The following SKP2 variants were observed in gnomAD, a reference collection of about 807,000 sequenced individuals.
SKP2 encodes S-phase kinase-associated protein 2.
In SKP2, 16 loss-of-function variants were observed where a neutral mutation model predicts 51.8. The ratio of observed to expected loss-of-function variants is 0.31; its 90% CI spans 0.21 to 0.47. The LOEUF is 0.47. SKP2 is among the 20% of genes least tolerant of loss of function. The probability of loss-of-function intolerance (pLI) is 1.00; values close to 1 mark genes in which losing one functional copy is unlikely to be tolerated. For missense variants in SKP2, 377 were observed against 505.3 expected, an observed-to-expected ratio of 0.75 and a Z score of 2.43; for synonymous variants, 176 against 198.6, an observed-to-expected ratio of 0.89 and a Z score of 0.96.
At chr5:36,188,381 C>G (rs1198390742), downstream of SKP2, among the ~76,000 whole-genome samples, 2 of 152,316 alleles carry the variant, frequency 1.3e-5, no homozygotes, top group East Asian at 1.9e-4. Context: ...TTGTTCCTTT[C>G]CATGTTTAGT....
In SKP2 at chr5:36,156,369, G is replaced by T. The variant is rs147100333; in HGVS notation, c.280+3327G>T. 9.7e-4 allele frequency among the ~76,000 whole-genome samples: 148 copies of T among 152,328 alleles called. 2 individuals are homozygous for T. Among genetic ancestry groups the T allele is most frequent in the African/African-American group, 3.4e-3 (140 of 41,568 alleles). On this transcript the variant is annotated intron_variant, in intron 2 of 9. Transcript: ENST00000274255. ...TAGGGTAGAACAGGCCACACCTGCT[G>T]TACATAGATATCTGATGACTGGTTC...
chr5:36,183,810 C>A lies in SKP2; in HGVS notation c.*1779C>A. 2 of 1,559,874 alleles carry A rather than the reference C, an allele frequency of 1.3e-6. No homozygotes were observed. Among genetic ancestry groups the A allele is most frequent in the East Asian group, 4.6e-5 (2 of 43,584 alleles). ...TCAATTTCTTAATAGTTAAAAAGTG[C>A]TAAATACTACTTGAAATTATTGTTT... On this transcript the variant is annotated 3_prime_UTR_variant, in exon 10 of 10. Transcript: ENST00000274255.
chr5:36,190,048 C>T (rs564255438), intron 6 of SKP2, among the ~76,000 whole-genome samples: 6 of 152,260 alleles, frequency 3.9e-5, no homozygotes, highest in South Asian at 4.1e-4. Context: ...CCTGGTGTGC[C>T]GTTTGTTAAG....
At chr5:36,179,670 T>C (rs540404538) in intron 9 of SKP2, among the ~76,000 whole-genome samples, 15 of 152,270 alleles carry the variant, frequency 9.9e-5, no homozygotes, top group African/African-American at 2.9e-4. Flanking sequence ...AACAGGATTA[T>C]TGTACAGATA....
chr5:36,187,122 T>G (rs1745962957), downstream of SKP2, among the ~76,000 whole-genome samples: 1 of 152,076 alleles, frequency 6.6e-6, no homozygotes, highest in Non-Finnish European at 1.5e-5. Context: ...CGTTTGATTC[T>G]TCTCTCTTCT....
At chr5:36,159,649 C>A (rs1459232299) in intron 2 of SKP2, among the ~76,000 whole-genome samples, 2 of 152,178 alleles carry the variant, frequency 1.3e-5, no homozygotes, top group Non-Finnish European at 2.9e-5. Flanking sequence ...GGGGTAGTTT[C>A]TAGATGGTTT....
intron 2 of SKP2, among the ~76,000 whole-genome samples, chr5:36,162,560 G>C (rs780756099): frequency 6.6e-6 from 1 of 152,158 alleles, no homozygotes; most frequent in Non-Finnish European, 1.5e-5. Flanking sequence ...CGCATTACTG[G>C]AATGAAGTCC....
Position 36,182,706 on chromosome 5 carries a change from A to T in SKP2, c.*675A>T. On this transcript the variant is annotated 3_prime_UTR_variant, in exon 10 of 10. Coordinates refer to ENST00000274255, the MANE Select transcript of SKP2 (RefSeq NM_005983.4). ...AAGGCCCAGCAGACAGTTTTCTATGACAGGTTAATCTGAAGTATCCTGTAA... is the reference window on the plus strand; with the variant it reads ...AAGGCCCAGCAGACAGTTTTCTATGTCAGGTTAATCTGAAGTATCCTGTAA... The T allele has an allele frequency of 2.0e-6, 2 of 980,258 alleles. No individual in the cohort carries two copies. Among genetic ancestry groups the T allele is most frequent in the Non-Finnish European group, 2.4e-6 (2 of 825,228 alleles). The allele number at this position is 980,258 out of a possible 1,614,324, so 60.7% of individuals were successfully genotyped here.
rs145292520 is a variant in SKP2 at position 36,189,638 on chromosome 5, G to A, written c.633-2983G>A. 4.5e-3 allele frequency among the ~76,000 whole-genome samples: 678 copies of A among 152,336 alleles called. 4 individuals carry two copies. Among genetic ancestry groups the A allele is most frequent in the African/African-American group, 0.016 (659 of 41,574 alleles). The stretch of plus-strand genomic sequence containing the variant: ...GGTGTCAGTCTGCCCCTACTGGGAT[G>A]TGCCTCCCAGTTAGGCTGCTCGGGG... On this transcript the variant is annotated intron_variant, in intron 6 of 7. Coordinates refer to the SKP2 transcript ENST00000677886.
intron 2 of SKP2, chr5:36,155,354 TC>T (rs1490131199): frequency 3.3e-5 from 5 of 152,236 alleles, no homozygotes; most frequent in African/African-American, 1.2e-4. Context: ...TGAAGTCAGA[TC>T]TGGGTTTGAA....
chr5:36,186,707 C>CTTT (rs199759725), downstream of SKP2, among the ~76,000 whole-genome samples: 461 of 20,818 alleles, frequency 0.022, 3 homozygotes, highest in African/African-American at 0.039. Flanking sequence ...CTAAAATTCT[C>CTTT]TTTTGTTGTG....
chr5:36,166,958 C>T (rs1302367340), intron 4 of SKP2, among the ~76,000 whole-genome samples: 1 of 152,046 alleles, frequency 6.6e-6, no homozygotes, highest in Non-Finnish European at 1.5e-5. Flanking sequence ...TCCCACAAGG[C>T]AGGCACAAGT....
In SKP2 at chr5:36,182,875, C is replaced by G; in HGVS notation, c.*844C>G. 1.0e-6 allele frequency: 1 copy of G among 984,992 alleles called. No homozygotes were observed. Among genetic ancestry groups the G allele is most frequent in the Non-Finnish European group, 1.2e-6 (1 of 829,554 alleles). 61.0% of individuals were successfully genotyped at this position (984,992 alleles called of 1,614,324 possible). A position where few individuals can be genotyped will look rare whatever the true frequency, so the allele number is the denominator to read the frequency against. Reference sequence around the variant, plus strand: ...TTTGTTTTAGAAAGGTGGTATTAATCCACTCTCTATTCTTGAAAATTTGGA... The same window carrying G: ...TTTGTTTTAGAAAGGTGGTATTAATGCACTCTCTATTCTTGAAAATTTGGA... On this transcript the variant is annotated 3_prime_UTR_variant, in exon 10 of 10. Coordinates refer to ENST00000274255, the MANE Select transcript of SKP2 (RefSeq NM_005983.4).
rs769157192 is a variant in SKP2, at chr5:36,168,350, G to C, written c.574G>C (p.Val192Leu). Reference protein sequence around the residue: ...RVQHMDLSNSVIEVSTLHGIL... With the variant: ...RVQHMDLSNSLIEVSTLHGIL... ...ACAGCACATGGACCTATCGAACTCA[G>C]TTATAGAAGTGTCCACCCTCCACGG... Residue 192 changes from valine to leucine, a missense_variant, in exon 5 of 10, where the codon GTT (valine) becomes CTT (leucine). Transcript: ENST00000274255. 42 of 1,614,108 alleles carry C rather than the reference G, an allele frequency of 2.6e-5. No individual in the cohort carries two copies. The highest frequency in any genetic ancestry group is 3.6e-5 in the Non-Finnish European group (42 of 1,179,990).
At chr5:36,175,061 A>G (rs1463194230) in intron 7 of SKP2, among the ~76,000 whole-genome samples, 1 of 152,118 alleles carries the variant, frequency 6.6e-6, no homozygotes, top group Non-Finnish European at 1.5e-5. Context: ...GTGTTGAGAA[A>G]AGGCTGTAGC....
At chr5:36,192,369 T>C (rs984913512) in intron 6 of SKP2, among the ~76,000 whole-genome samples, 1 of 152,204 alleles carries the variant, frequency 6.6e-6, no homozygotes, top group African/African-American at 2.4e-5. Context: ...ATTGTCTTAG[T>C]AGATGCTATT....
chr5:36,192,129 C>CATAA (rs1422510663), intron 6 of SKP2, among the ~76,000 whole-genome samples: 1 of 152,072 alleles, frequency 6.6e-6, no homozygotes, highest in Admixed American at 6.5e-5. Context: ...TCTTAAAGCC[C>CATAA]GTAAGACTTA....
intron 9 of SKP2, chr5:36,180,374 G>A (rs906610036): frequency 3.2e-6 from 2 of 616,634 alleles, no homozygotes; most frequent in Non-Finnish European, 5.3e-6. Context: ...TTTACTTAAT[G>A]ACAGCAATTT....
chr5:36,170,546 C>A, intron 6 of SKP2, 104 bp downstream of exon 6: 1 of 654,698 alleles, frequency 1.5e-6, no homozygotes, highest in Non-Finnish European at 2.5e-6. Context: ...TTTGTACTTT[C>A]CAGGCTCTTG....
Sources: allele counts gnomAD v4.1 joint callset (sites outside exome capture counted in the v4.1 genomes callset), GRCh38; gene constraint gnomAD v4.1.1; transcripts MANE v1.5; gene names NCBI Gene and HGNC (gene_info 2026-07-23, HGNC 2026-07-21).